Variants in CNGA1 observed in about 807,000 individuals in gnomAD.
CNGA1 encodes cyclic nucleotide-gated channel alpha-1.
Under a neutral mutation model 69.7 loss-of-function variants are expected in CNGA1, and 53 were observed. That is an observed-to-expected ratio of 0.76 (90% confidence interval 0.61 to 0.96). The LOEUF (loss-of-function observed/expected upper bound fraction) is 0.96, where lower values mean the gene tolerates loss of function less well. Among genes scored for constraint, CNGA1 ranks in the 40% least tolerant of loss-of-function variants. The pLI is 0.00. For synonymous variants in CNGA1, 249 were observed against 283.5 expected (o/e 0.88, Z 1.22); for missense variants, 739 against 811.2 (o/e 0.91, Z 1.08).
intron 2 of CNGA1, among the ~76,000 whole-genome samples, chr4:48,006,533 A>G (rs1032661003): frequency 1.3e-5 from 2 of 152,228 alleles, no homozygotes; most frequent in African/African-American, 4.8e-5. Context: ...TGTTTCCTGT[A>G]TAATTTTTAT....
At chr4:47,965,248 G>A (rs1424779648) in intron 3 of CNGA1, among the ~76,000 whole-genome samples, 1 of 152,044 alleles carries the variant, frequency 6.6e-6, no homozygotes, top group Non-Finnish European at 1.5e-5. Context: ...ATTCATGTTA[G>A]GAAGTTTCCT....
intron 2 of CNGA1, among the ~76,000 whole-genome samples, chr4:47,990,906 C>G (rs931818162): frequency 6.6e-6 from 1 of 152,194 alleles, no homozygotes. Context: ...TTTGGTTTCC[C>G]ATTCCTGAGT....
At chr4:47,939,069 G>A (rs565163966) in intron 10 of CNGA1, among the ~76,000 whole-genome samples, 3 of 151,926 alleles carry the variant, frequency 2.0e-5, no homozygotes, top group Non-Finnish European at 4.4e-5. Flanking sequence ...AAAGAGGAAA[G>A]AAAGAAAAAG....
At chr4:47,984,142 G>A (rs1477468941) in intron 2 of CNGA1, among the ~76,000 whole-genome samples, 4 of 152,024 alleles carry the variant, frequency 2.6e-5, no homozygotes, top group East Asian at 1.9e-4. Context: ...TAGTCAAGTC[G>A]CCTATTTCAG....
chr4:48,012,558 C>CTTTTTTTTTTTTTTTTTTTTTTT (rs528643370), intron 1 of CNGA1, among the ~76,000 whole-genome samples: 1 of 64,996 alleles, frequency 1.5e-5, no homozygotes, highest in African/African-American at 6.6e-5. Context: ...ACCACACCAT[C>CTTTTTTTTTTTTTTTTTTTTTTT]TTTTTTTTTT....
At chr4:47,948,813 C>G (rs1393035975) in intron 6 of CNGA1, among the ~76,000 whole-genome samples, 3 of 152,154 alleles carry the variant, frequency 2.0e-5, no homozygotes, top group Non-Finnish European at 4.4e-5. Context: ...ACCCAGGGCT[C>G]AAGTTCTTCA....
chr4:47,989,211 G>A (rs1485966260), intron 2 of CNGA1, among the ~76,000 whole-genome samples: 1 of 152,070 alleles, frequency 6.6e-6, no homozygotes, highest in African/African-American at 2.4e-5. Context: ...CCAAAAATGA[G>A]GTGCTCCATC....
chr4:47,936,069 G>A lies in CNGA1; in HGVS notation c.*352C>T, dbSNP rs921230822. The A allele has an allele frequency of 3.5e-5, 10 of 285,052 alleles. No homozygotes were observed. Among genetic ancestry groups the A allele is most frequent in the Admixed American group, 2.4e-4 (5 of 20,548 alleles). The allele number at this position is 285,052 out of a possible 1,614,324, so 17.7% of individuals were successfully genotyped here. A position where few individuals can be genotyped will look rare whatever the true frequency, so the allele number is the denominator to read the frequency against. On this transcript the variant is annotated 3_prime_UTR_variant, in exon 11 of 11. Coordinates refer to ENST00000514170, the MANE Select transcript of CNGA1 (RefSeq NM_001379270.1). The stretch of plus-strand genomic sequence containing the variant: ...GGTAATTCTCAGTTACTTCAAATAC[G>A]CTTCACTCAACAATGGAAATGGCAT...
At chr4:47,947,534 G>C (rs1739473541) in intron 6 of CNGA1, among the ~76,000 whole-genome samples, 1 of 152,140 alleles carries the variant, frequency 6.6e-6, no homozygotes, top group Non-Finnish European at 1.5e-5. Flanking sequence ...GCCAGGCGTG[G>C]TGGCTCACGC....
At chr4:47,950,557 TC>T (rs1739679111) in intron 5 of CNGA1, among the ~76,000 whole-genome samples, 1 of 151,596 alleles carries the variant, frequency 6.6e-6, no homozygotes, top group South Asian at 2.1e-4. Context: ...TGCCAGTAAC[TC>T]CCAACAAGAA....
chr4:47,951,352 C>T lies in CNGA1; in HGVS notation c.224+1G>A, dbSNP rs1171287277. 8 of 1,579,774 alleles carry T rather than the reference C, an allele frequency of 5.1e-6. No individual in the cohort carries two copies. Among genetic ancestry groups the T allele is most frequent in the Non-Finnish European group, 6.1e-6 (7 of 1,148,942 alleles). On this transcript the variant is annotated splice_donor_variant, in intron 5 of 10. Transcript: ENST00000514170. LOFTEE classifies it high-confidence loss of function. Reference sequence around the variant, plus strand: ...ACCAAGGGATGGATCATACTGCTCACCTCTGTGATGGTCCTCCCTTTCTGA... The same window carrying T: ...ACCAAGGGATGGATCATACTGCTCATCTCTGTGATGGTCCTCCCTTTCTGA...
chr4:47,941,613 G>A (rs1320782999), intron 9 of CNGA1, among the ~76,000 whole-genome samples: 1 of 152,034 alleles, frequency 6.6e-6, no homozygotes, highest in African/African-American at 2.4e-5. Context: ...ACAGACACTG[G>A]GGTCTATTTG....
intron 2 of CNGA1, among the ~76,000 whole-genome samples, chr4:48,004,642 TA>T (rs1362148072): frequency 6.6e-6 from 1 of 151,646 alleles, no homozygotes; most frequent in Non-Finnish European, 1.5e-5. Context: ...AAAGAGAAAA[TA>T]GGAGGAGGAA....
chr4:47,940,036 A>G (rs994649090), intron 10 of CNGA1, among the ~76,000 whole-genome samples: 7 of 152,092 alleles, frequency 4.6e-5, no homozygotes, highest in Admixed American at 1.3e-4. Flanking sequence ...CTTCCCTCCT[A>G]TGCTGTTACC....
At chr4:47,943,159 C>T (rs751455936) in intron 8 of CNGA1, 22 bp downstream of exon 8, 1 of 1,518,772 alleles carries the variant, frequency 6.6e-7, no homozygotes, top group Non-Finnish European at 9.1e-7. Flanking sequence ...CCTTCTATTT[C>T]AATGCCACTA....
At chr4:47,995,597 T>G (rs1355000873) in intron 2 of CNGA1, among the ~76,000 whole-genome samples, 1 of 151,620 alleles carries the variant, frequency 6.6e-6, no homozygotes, top group Non-Finnish European at 1.5e-5. Context: ...CTTTCTGTGG[T>G]GTCTCCCTGA....
At chr4:47,987,716 A>G (rs865970328) in intron 2 of CNGA1, among the ~76,000 whole-genome samples, 1 of 152,208 alleles carries the variant, frequency 6.6e-6, no homozygotes, top group Non-Finnish European at 1.5e-5. Flanking sequence ...ATGATAAAGA[A>G]GAAAACAAGG....
chr4:48,016,228 G>C lies in CNGA1; in HGVS notation c.-223+255C>G, dbSNP rs533769385. Among the ~76,000 whole-genome samples, 5 of 152,290 alleles carry C rather than the reference G, an allele frequency of 3.3e-5. No homozygotes were observed. The East Asian group carries it at 7.7e-4, about 24-fold the overall frequency. The stretch of plus-strand genomic sequence containing the variant: ...ACAGAACGGAGAGTGGATGGATATA[G>C]CGGGCGTGGACGGACAGCGACAGAA... On this transcript the variant is annotated intron_variant, in intron 1 of 10. Coordinates refer to ENST00000514170, the MANE Select transcript of CNGA1 (RefSeq NM_001379270.1).
chr4:47,944,096 A>G (rs766705280), intron 6 of CNGA1, among the ~76,000 whole-genome samples: 2 of 152,198 alleles, frequency 1.3e-5, no homozygotes, highest in African/African-American at 2.4e-5. Context: ...AGGAAATTTC[A>G]TTAGCCAGAC....
Sources: gnomAD v4.1 joint callset for allele counts (sites outside exome capture counted in the v4.1 genomes callset) on GRCh38, gnomAD v4.1.1 for gene constraint, MANE v1.5 for transcripts, NCBI Gene and HGNC (gene_info 2026-07-23, HGNC 2026-07-21) for gene names.